DTD1: variants seen among roughly 807,000 people sequenced by gnomAD.
DTD1 encodes the protein D-aminoacyl-tRNA deacylase 1.
A neutral mutation model predicts 25.6 loss-of-function variants in DTD1; 13 were observed. The ratio of observed to expected loss-of-function variants is 0.51; its 90% CI spans 0.33 to 0.81. The LOEUF (loss-of-function observed/expected upper bound fraction) is 0.81. DTD1 is among the 30% of genes least tolerant of loss of function. The pLI is 0.02. For synonymous variants in DTD1, 110 were observed against 103.6 expected (o/e 1.06, Z -0.37); for missense variants, 193 against 266.4 (o/e 0.72, Z 1.92).
intron 4 of DTD1, among the ~76,000 whole-genome samples, chr20:18,653,470 T>C (rs1487126578): frequency 6.6e-6 from 1 of 152,224 alleles, no homozygotes; most frequent in Non-Finnish European, 1.5e-5. Context: ...TATGTGAAAG[T>C]AATATGTTGA....
chr20:18,644,468 G>A (rs896040046), intron 4 of DTD1, among the ~76,000 whole-genome samples: 1 of 152,308 alleles, frequency 6.6e-6, no homozygotes, highest in African/African-American at 2.4e-5. Context: ...AAACTGTCAG[G>A]TTTAACAAAC....
chr20:18,732,900 G>A (rs573045466), intron 4 of DTD1, among the ~76,000 whole-genome samples: 21 of 152,302 alleles, frequency 1.4e-4, no homozygotes, highest in African/African-American at 4.3e-4. Flanking sequence ...ATGTAGACAC[G>A]TAAACCAATG....
At chr20:18,667,807 G>C (rs536960693) in intron 4 of DTD1, among the ~76,000 whole-genome samples, 1 of 152,018 alleles carries the variant, frequency 6.6e-6, no homozygotes, top group Non-Finnish European at 1.5e-5. Context: ...TTCTCCCCAC[G>C]CCTCTGCCTC....
chr20:18,618,094 A>G (rs2060716535), intron 3 of DTD1, among the ~76,000 whole-genome samples: 1 of 152,212 alleles, frequency 6.6e-6, no homozygotes, highest in African/African-American at 2.4e-5. Context: ...TACCTGTTGG[A>G]GAAATTCTCA....
At chr20:18,743,410 G>A (rs1297162012) in intron 4 of DTD1, among the ~76,000 whole-genome samples, 2 of 152,184 alleles carry the variant, frequency 1.3e-5, no homozygotes, top group South Asian at 4.1e-4. Context: ...TAGAAAACAC[G>A]TGGTGTGGCA....
intron 4 of DTD1, among the ~76,000 whole-genome samples, chr20:18,641,881 G>A (rs758313708): frequency 8.6e-5 from 13 of 152,024 alleles, no homozygotes; most frequent in African/African-American, 1.2e-4. Flanking sequence ...AATCCAATTC[G>A]TCTGTTTTTG....
rs372682095 is a variant in DTD1, at chr20:18,637,411, G to A, written c.477+9178G>A. Among the ~76,000 whole-genome samples, 30 of 152,306 alleles carry A rather than the reference G, an allele frequency of 2.0e-4. No individual in the cohort carries two copies. In the South Asian group the frequency reaches 5.2e-3, roughly 26 times the overall value. ...ATATGTTAGTGACTGATGATCAGCC[G>A]CTCTACTGGGTGACATTGAGGCATA... is the stretch of plus-strand genomic sequence containing the variant. On this transcript the variant is annotated intron_variant, in intron 4 of 5. Transcript: ENST00000377452.
intron 4 of DTD1, among the ~76,000 whole-genome samples, chr20:18,698,936 A>G (rs2061091074): frequency 6.6e-6 from 1 of 152,088 alleles, no homozygotes; most frequent in African/African-American, 2.4e-5. Context: ...CTTGGTTACA[A>G]AATGGCTGCC....
At chr20:18,649,326 C>CTTT (rs55766733) in intron 4 of DTD1, among the ~76,000 whole-genome samples, 2,256 of 57,586 alleles carry the variant, frequency 0.039, 498 homozygotes, top group Middle Eastern at 0.078. Flanking sequence ...ATTCATCTTT[C>CTTT]TTTTTTTTTT....
At position 18,763,983 on chromosome 20, in the gene DTD1, CG is replaced by C. The variant is rs1661548498; in HGVS notation, c.*644del. On this transcript the variant is annotated 3_prime_UTR_variant, in exon 6 of 6. Transcript: ENST00000377452. ...GCAATGCGTCTGACCTCTCTCTATG[CG>C]TATCTACACTTCTTTTCACATAAGT... The C allele has an allele frequency of 6.6e-6, 1 of 151,968 alleles. No homozygotes were observed. Among genetic ancestry groups the C allele is most frequent in the Non-Finnish European group, 1.5e-5 (1 of 67,984 alleles). 9.4% of individuals were successfully genotyped at this position (151,968 alleles called of 1,614,324 possible). A position where few individuals can be genotyped will look rare whatever the true frequency, so the allele number is the denominator to read the frequency against.
intron 4 of DTD1, among the ~76,000 whole-genome samples, chr20:18,700,527 T>C (rs2061100150): frequency 6.6e-6 from 1 of 152,116 alleles, no homozygotes; most frequent in African/African-American, 2.4e-5. Flanking sequence ...TTTTAAAATT[T>C]CAATAGCTTT....
intron 4 of DTD1, chr20:18,643,281 T>C: frequency 2.9e-6 from 1 of 341,952 alleles, no homozygotes; most frequent in East Asian, 9.2e-5. Context: ...TTTTCATAAA[T>C]GCCTTGTTGA....
At chr20:18,743,785 A>T (rs182983194) in intron 4 of DTD1, among the ~76,000 whole-genome samples, 79 of 152,290 alleles carry the variant, frequency 5.2e-4, no homozygotes, top group Non-Finnish European at 9.1e-4. Context: ...AAAAGCCTTC[A>T]TATATGGAGC....
intron 5 of DTD1, among the ~76,000 whole-genome samples, chr20:18,754,128 A>G (rs1253610988): frequency 6.6e-6 from 1 of 152,192 alleles, no homozygotes; most frequent in Non-Finnish European, 1.5e-5. Flanking sequence ...TGTTTTGTCT[A>G]GCACTTGCAT....
At position 18,622,942 on chromosome 20, in the gene DTD1, A is replaced by ATTTTT. The variant is rs771564529; in HGVS notation, c.371-5177_371-5173dup. 2.7e-4 allele frequency among the ~76,000 whole-genome samples: 35 copies of ATTTTT among 129,788 alleles called. 3 individuals are homozygous for ATTTTT. The highest frequency in any genetic ancestry group is 8.3e-4 in the African/African-American group (29 of 35,080). 85.1% of individuals were successfully genotyped at this position (129,788 alleles called of 152,430 possible). A position where few individuals can be genotyped will look rare whatever the true frequency, so the allele number is the denominator to read the frequency against. On this transcript the variant is annotated intron_variant, in intron 3 of 5. Coordinates refer to ENST00000377452, the MANE Select transcript of DTD1 (RefSeq NM_080820.6). ...ACTTATTAGAAGACAATTTTATAGA[A>ATTTTT]TTTTTTTTTTTTGTCTGAGATGGAG...
chr20:18,643,324 C>T (rs543113912), intron 4 of DTD1: 27 of 283,876 alleles, frequency 9.5e-5, no homozygotes, highest in African/African-American at 5.4e-4. Flanking sequence ...GTAGGTAGTA[C>T]GACACCGTCT....
intron 1 of DTD1, among the ~76,000 whole-genome samples, chr20:18,593,503 T>A (rs996450151): frequency 5.9e-5 from 9 of 152,238 alleles, no homozygotes; most frequent in African/African-American, 2.2e-4. Flanking sequence ...TTAATGGTTG[T>A]TCACTTTACA....
At chr20:18,666,337 C>G (rs1431758322) in intron 4 of DTD1, among the ~76,000 whole-genome samples, 5 of 152,160 alleles carry the variant, frequency 3.3e-5, no homozygotes, top group Admixed American at 1.3e-4. Flanking sequence ...CCAGGACTCT[C>G]CATTGTAAAG....
chr20:18,651,611 C>T (rs757084765), intron 4 of DTD1, among the ~76,000 whole-genome samples: 3 of 152,226 alleles, frequency 2.0e-5, no homozygotes, highest in Non-Finnish European at 4.4e-5. Context: ...TCCTGGCCAG[C>T]GTTAGAACTT....
Sources: allele counts gnomAD v4.1 joint callset (sites outside exome capture counted in the v4.1 genomes callset), GRCh38; gene constraint gnomAD v4.1.1; transcripts MANE v1.5; gene names NCBI Gene and HGNC (gene_info 2026-07-23, HGNC 2026-07-21).